Variants in WNT4 observed in about 807,000 individuals in gnomAD.
WNT4 encodes protein Wnt-4.
Under a neutral mutation model 34.5 loss-of-function variants are expected in WNT4, and 16 were observed. That is an observed-to-expected ratio of 0.46 (90% confidence interval 0.31 to 0.70). The LOEUF (loss-of-function observed/expected upper bound fraction) is 0.70, where lower values mean the gene tolerates loss of function less well. Among genes scored for constraint, WNT4 ranks in the 30% least tolerant of loss-of-function variants. WNT4 has a pLI of 0.04. For missense variants in WNT4, 379 were observed against 495.9 expected (o/e 0.76, Z 2.24); for synonymous variants, 200 against 211.9 (o/e 0.94, Z 0.49).
Position 22,143,009 on chromosome 1 carries a change from G to T in WNT4, c.-87C>A. On this transcript the variant is annotated 5_prime_UTR_variant, in exon 1 of 5. Transcript: ENST00000290167. ...GGCTGCAGGTGGGCGCCCGCGGGCG[G>T]GCCGGGGCGCGCGCGGCGGGGCTCT... is the stretch of plus-strand genomic sequence containing the variant. The T allele has an allele frequency of 1.5e-6, 1 of 667,880 alleles. No homozygotes were observed. The highest frequency in any genetic ancestry group is 1.8e-6 in the Non-Finnish European group (1 of 543,936). 41.4% of individuals were successfully genotyped at this position (667,880 alleles called of 1,614,324 possible).
chr1:22,133,630 C>T (rs1465779666), intron 1 of WNT4, among the ~76,000 whole-genome samples: 4 of 152,260 alleles, frequency 2.6e-5, no homozygotes, highest in Non-Finnish European at 5.9e-5. Context: ...CTCCTTCCTG[C>T]CACCACGGAG....
At chr1:22,130,461 G>C (rs1645974554) in intron 1 of WNT4, among the ~76,000 whole-genome samples, 1 of 152,246 alleles carries the variant, frequency 6.6e-6, no homozygotes, top group Admixed American at 6.5e-5. Context: ...GTGGTGGCGA[G>C]AGTGGGCTGT....
rs985989430 is a variant in WNT4, at chr1:22,137,880, C to T, written c.77+4966G>A. Among the ~76,000 whole-genome samples the T allele has an allele frequency of 3.3e-5, 5 of 152,190 alleles. No individual in the cohort carries two copies. The highest frequency in any genetic ancestry group is 5.9e-5 in the Non-Finnish European group (4 of 68,032). On this transcript the variant is annotated intron_variant, in intron 1 of 4. Transcript: ENST00000290167. The surrounding 1 kb of genome is among the most constrained non-coding windows in gnomAD (Gnocchi z 5.3). The stretch of plus-strand genomic sequence containing the variant: ...TCTGTGCCTTTTAGTATCACCTGAG[C>T]CTCAGGGCAGTGGAGCAGAGCCTTC...
intron 2 of WNT4, among the ~76,000 whole-genome samples, chr1:22,123,056 T>A (rs1283025056): frequency 6.6e-6 from 1 of 152,252 alleles, no homozygotes. Flanking sequence ...TCATGTTGGT[T>A]GGTTTTATGC....
At chr1:22,122,583 C>T (rs967855135) in intron 2 of WNT4, among the ~76,000 whole-genome samples, 3 of 152,148 alleles carry the variant, frequency 2.0e-5, no homozygotes, top group Admixed American at 6.5e-5. Context: ...AGACAGCAGA[C>T]CATGCTCCCC....
chr1:22,122,709 A>G (rs547743835), intron 2 of WNT4, among the ~76,000 whole-genome samples: 1 of 152,164 alleles, frequency 6.6e-6, no homozygotes, highest in South Asian at 2.1e-4. Context: ...GTTGGCAATT[A>G]CCTCTGTGAC....
Position 22,121,209 on chromosome 1 carries a change from A to G in WNT4, c.588+2T>C. ...TCTTGGTGGGGGGTAGTGCCACACT[A>G]CCTTCCTGCCGGCCTCATTGTTGTG... On this transcript the variant is annotated splice_donor_variant, in intron 4 of 4. Coordinates refer to ENST00000290167, the MANE Select transcript of WNT4 (RefSeq NM_030761.5). LOFTEE classifies it high-confidence loss of function. The G allele has an allele frequency of 1.2e-6, 2 of 1,613,622 alleles. No individual in the cohort carries two copies. Among genetic ancestry groups the G allele is most frequent in the East Asian group, 2.2e-5 (1 of 44,840 alleles).
intron 1 of WNT4, among the ~76,000 whole-genome samples, chr1:22,135,309 CCT>C (rs1244412398): frequency 6.6e-6 from 1 of 152,228 alleles, no homozygotes; most frequent in Non-Finnish European, 1.5e-5. Context: ...GGTGTCTTCC[CCT>C]CTGTTTCGCA....
chr1:22,117,839 C>G lies in WNT4; in HGVS notation c.*2211G>C, dbSNP rs1277049684. On this transcript the variant is annotated 3_prime_UTR_variant, in exon 5 of 5. Coordinates refer to ENST00000290167, the MANE Select transcript of WNT4 (RefSeq NM_030761.5). ...TGTTCCCTGGATGGGGAGAGTGGCT[C>G]AGCTCTTTCCTCTGGGAGGGGAGGG... 1 of 152,288 alleles carries G rather than the reference C, an allele frequency of 6.6e-6. No homozygotes were observed. Among genetic ancestry groups the G allele is most frequent in the East Asian group, 1.9e-4 (1 of 5,198 alleles). 9.4% of individuals were successfully genotyped at this position (152,288 alleles called of 1,614,324 possible). A position where few individuals can be genotyped will look rare whatever the true frequency, so the allele number is the denominator to read the frequency against.
chr1:22,130,071 G>C (rs1645971607), intron 1 of WNT4, among the ~76,000 whole-genome samples: 1 of 152,168 alleles, frequency 6.6e-6, no homozygotes, highest in Non-Finnish European at 1.5e-5. Flanking sequence ...TCTATCTCAA[G>C]TTCAGCAAAG....
chr1:22,142,754 C>A lies in WNT4; in HGVS notation c.77+92G>T. 1.1e-6 allele frequency: 1 copy of A among 888,830 alleles called. No individual in the cohort carries two copies. Among genetic ancestry groups the A allele is most frequent in the Non-Finnish European group, 1.3e-6 (1 of 743,218 alleles). 55.1% of individuals were successfully genotyped at this position (888,830 alleles called of 1,614,324 possible). On this transcript the variant is annotated intron_variant, in intron 1 of 4. Coordinates refer to ENST00000290167, the MANE Select transcript of WNT4 (RefSeq NM_030761.5). The surrounding 1 kb of genome is among the most constrained non-coding windows in gnomAD (Gnocchi z 6.0). ...GGCCGAGACACCTGCCGGGCTGCCCCGCGCCCGCTGCCCCGCGCCGCCTGG... is the reference window on the plus strand; with the variant it reads ...GGCCGAGACACCTGCCGGGCTGCCCAGCGCCCGCTGCCCCGCGCCGCCTGG...
Position 22,118,383 on chromosome 1 carries a change from G to C in WNT4, c.*1667C>G, listed in dbSNP as rs1645865275. 1 of 152,198 alleles carries C rather than the reference G, an allele frequency of 6.6e-6. No homozygotes were observed. 9.4% of individuals were successfully genotyped at this position (152,198 alleles called of 1,614,324 possible). A position where few individuals can be genotyped will look rare whatever the true frequency, so the allele number is the denominator to read the frequency against. ...AGTGGGCTTACAGCAACTTCCTCTGGTGATTGGGAGCCCATCTGAGAAGCA... is the reference window on the plus strand; with the variant it reads ...AGTGGGCTTACAGCAACTTCCTCTGCTGATTGGGAGCCCATCTGAGAAGCA... On this transcript the variant is annotated 3_prime_UTR_variant, in exon 5 of 5. Transcript: ENST00000290167.
chr1:22,129,441 C>T lies in WNT4; in HGVS notation c.313+175G>A, dbSNP rs141690230. Among the ~76,000 whole-genome samples the T allele has an allele frequency of 2.7e-3, 411 of 152,352 alleles. 4 individuals are homozygous for T. Among genetic ancestry groups the T allele is most frequent in the African/African-American group, 9.5e-3 (394 of 41,582 alleles). ...ACATACATCCCACCTGGATCATCCT[C>T]CTGTCCTGGGGCCCCCAACGCTCTG... On this transcript the variant is annotated intron_variant, in intron 2 of 4. Coordinates refer to ENST00000290167, the MANE Select transcript of WNT4 (RefSeq NM_030761.5).
At chr1:22,123,893 G>C (rs1295224857) in intron 2 of WNT4, among the ~76,000 whole-genome samples, 1 of 152,254 alleles carries the variant, frequency 6.6e-6, no homozygotes, top group Non-Finnish European at 1.5e-5. Context: ...ACTGGGGGAT[G>C]GTGAACAGTT....
chr1:22,141,913 G>A (rs1464630229), intron 1 of WNT4, among the ~76,000 whole-genome samples: 2 of 152,212 alleles, frequency 1.3e-5, no homozygotes, highest in Non-Finnish European at 2.9e-5. Context: ...GCTCCCCACT[G>A]GCTGCCCACA....
chr1:22,139,895 G>A lies in WNT4; in HGVS notation c.77+2951C>T, dbSNP rs561411461. Among the ~76,000 whole-genome samples, 3 of 152,294 alleles carry A rather than the reference G, an allele frequency of 2.0e-5. No homozygotes were observed. Among genetic ancestry groups the A allele is most frequent in the South Asian group, 2.1e-4 (1 of 4,828 alleles). On this transcript the variant is annotated intron_variant, in intron 1 of 4. Transcript: ENST00000290167. The surrounding 1 kb of genome is among the most constrained non-coding windows in gnomAD (Gnocchi z 4.6). ...GTGGGAGCCGTCACAAGCTGTCAGC[G>A]GGCTCCTCCGGGTGCCAGACGAGAG...
Position 22,120,251 on chromosome 1 carries a change from G to A in WNT4, c.855C>T (p.Arg285=). The A allele has an allele frequency of 6.2e-7, 1 of 1,614,162 alleles. No individual in the cohort carries two copies. Among genetic ancestry groups the A allele is most frequent in the East Asian group, 2.2e-5 (1 of 44,884 alleles). The change falls in exon 5 of 5, where the codon CGC becomes CGT. Residue 285 remains arginine, a synonymous_variant. Transcript: ENST00000290167. ...PSPDFCEQDM[R]SGVLGTRGRT... Reference sequence around the variant, plus strand: ...GGCCCCTCGTGCCCAGCACGCCGCTGCGCATGTCCTGCTCACAGAAGTCGG... The same window carrying A: ...GGCCCCTCGTGCCCAGCACGCCGCTACGCATGTCCTGCTCACAGAAGTCGG...
chr1:22,120,296 C>G lies in WNT4; in HGVS notation c.810G>C (p.Leu270=). The change falls in exon 5 of 5, where the codon CTG becomes CTC. Residue 270 remains leucine, a synonymous_variant. Transcript: ENST00000290167. ...AGTCGGGGCTAGGCTCCAAGTACAC[C>G]AGGTCCTCATCTGTGTGCGGCTTGA... ...AQFKPHTDED[L]VYLEPSPDFC... is the part of the protein sequence containing the mutation. The G allele has an allele frequency of 6.2e-7, 1 of 1,614,222 alleles. No individual in the cohort carries two copies. Among genetic ancestry groups the G allele is most frequent in the Non-Finnish European group, 8.5e-7 (1 of 1,180,028 alleles).
At chr1:22,121,955 C>A (rs35923353) in intron 2 of WNT4, among the ~76,000 whole-genome samples, 14,654 of 152,184 alleles carry the variant, frequency 0.096, 812 homozygotes, top group Middle Eastern at 0.14. Flanking sequence ...GTTCTCACTA[C>A]CCCCACCAGA....
Sources: gnomAD v4.1 joint callset for allele counts (sites outside exome capture counted in the v4.1 genomes callset) on GRCh38, gnomAD v4.1.1 for gene constraint, Gnocchi (gnomAD v3.1) non-coding constraint, MANE v1.5 for transcripts, NCBI Gene and HGNC (gene_info 2026-07-23, HGNC 2026-07-21) for gene names.